The following NGEF variants were observed in gnomAD, a reference collection of about 807,000 sequenced individuals.
NGEF encodes ephexin-1.
A neutral mutation model predicts 80.9 loss-of-function variants in NGEF; 31 were observed. The observed-to-expected ratio is 0.38, with a 90% CI of 0.29 to 0.52. The LOEUF (loss-of-function observed/expected upper bound fraction) is 0.52, where lower values mean the gene tolerates loss of function less well. Among genes scored for constraint, NGEF ranks in the 20% least tolerant of loss-of-function variants. The probability of loss-of-function intolerance (pLI) is 0.84; values close to 1 mark genes in which losing one functional copy is unlikely to be tolerated. For missense variants in NGEF, 709 were observed against 926.2 expected, an observed-to-expected ratio of 0.77 and a Z score of 3.04; for synonymous variants, 371 against 370.2, an observed-to-expected ratio of 1.00 and a Z score of -0.03.
chr2:232,961,820 G>A (rs1174932730), intron 3 of NGEF, among the ~76,000 whole-genome samples: 1 of 152,194 alleles, frequency 6.6e-6, no homozygotes, highest in East Asian at 1.9e-4. Context: ...CCCAGTGGCT[G>A]TGTGGCCAGC....
intron 3 of NGEF, among the ~76,000 whole-genome samples, chr2:232,945,613 G>T (rs1173526855): frequency 6.6e-6 from 1 of 152,186 alleles, no homozygotes; most frequent in African/African-American, 2.4e-5. Context: ...GAGAGGCGGG[G>T]AGCAGCTTCT....
intron 3 of NGEF, among the ~76,000 whole-genome samples, chr2:232,966,857 G>A (rs187656725): frequency 1.5e-4 from 23 of 151,528 alleles, no homozygotes; most frequent in Non-Finnish European, 1.0e-4. Context: ...CAGTGAGGGT[G>A]GGGGGGGAGG....
In NGEF at chr2:232,936,165, T is replaced by C. The variant is rs934064495; in HGVS notation, c.384-8979A>G. Among the ~76,000 whole-genome samples, 4 of 152,174 alleles carry C rather than the reference T, an allele frequency of 2.6e-5. No homozygotes were observed. The South Asian group carries it at 8.3e-4, about 31-fold the overall frequency. On this transcript the variant is annotated intron_variant, in intron 3 of 14. Coordinates refer to ENST00000264051, the MANE Select transcript of NGEF (RefSeq NM_019850.3). Reference sequence around the variant, plus strand: ...AACCCATACTCTGTGGATGAAGAGATTTTGCCACAAGGAGACTTTCCAAAA... The same window carrying C: ...AACCCATACTCTGTGGATGAAGAGACTTTGCCACAAGGAGACTTTCCAAAA...
At chr2:233,004,713 C>T (rs1295944895) in intron 1 of NGEF, among the ~76,000 whole-genome samples, 1 of 152,122 alleles carries the variant, frequency 6.6e-6, no homozygotes, top group Admixed American at 6.5e-5. Flanking sequence ...CCCCTACCTT[C>T]CCTCCCCTTC....
chr2:232,996,236 G>A (rs762772462), intron 1 of NGEF, among the ~76,000 whole-genome samples: 4 of 152,110 alleles, frequency 2.6e-5, no homozygotes, highest in Non-Finnish European at 5.9e-5. Context: ...GCTGAGGCAC[G>A]AGAATCGCTT....
chr2:232,960,200 C>T (rs11886924), intron 3 of NGEF, among the ~76,000 whole-genome samples: 20,729 of 152,292 alleles, frequency 0.14, 3,805 homozygotes, highest in African/African-American at 0.42. Context: ...ATTTTGTATG[C>T]TAAATATCAA....
intron 1 of NGEF, among the ~76,000 whole-genome samples, chr2:232,976,874 G>A (rs1234847939): frequency 6.6e-6 from 1 of 152,180 alleles, no homozygotes; most frequent in Non-Finnish European, 1.5e-5. Context: ...CATGAAGTTG[G>A]AGTGTGCACT....
rs752719054 is a variant in NGEF, at chr2:232,879,476, C to T, written c.*13G>A. 2 of 1,599,280 alleles carry T rather than the reference C, an allele frequency of 1.3e-6. No homozygotes were observed. Reference sequence around the variant, plus strand: ...CATGCAGGCCCTGCTCCCGCTGGCCCCCTGGGTGGGGGTCATTGCCGATTC... The same window carrying T: ...CATGCAGGCCCTGCTCCCGCTGGCCTCCTGGGTGGGGGTCATTGCCGATTC... On this transcript the variant is annotated 3_prime_UTR_variant, in exon 15 of 15. Coordinates refer to ENST00000264051, the MANE Select transcript of NGEF (RefSeq NM_019850.3).
intron 5 of NGEF, among the ~76,000 whole-genome samples, chr2:232,897,327 C>T (rs1692131706): frequency 6.6e-6 from 1 of 151,956 alleles, no homozygotes; most frequent in Non-Finnish European, 1.5e-5. Context: ...TGGGGTTTTG[C>T]AGGCTGTTTC....
At chr2:232,880,643 A>G (rs1375415272) in intron 14 of NGEF, among the ~76,000 whole-genome samples, 1 of 152,214 alleles carries the variant, frequency 6.6e-6, no homozygotes, top group Non-Finnish European at 1.5e-5. Flanking sequence ...TCAATTCTAC[A>G]GGGGCTGGGA....
chr2:232,933,319 G>A (rs925997740), intron 3 of NGEF, among the ~76,000 whole-genome samples: 2 of 151,822 alleles, frequency 1.3e-5, no homozygotes, highest in South Asian at 2.1e-4. Context: ...TGCACCCACC[G>A]TCTCCCCCAG....
At chr2:232,976,781 C>G (rs1401345371) in intron 1 of NGEF, among the ~76,000 whole-genome samples, 3 of 152,204 alleles carry the variant, frequency 2.0e-5, no homozygotes, top group Non-Finnish European at 2.9e-5. Flanking sequence ...TCATGGGGAC[C>G]TGGGGAGTGC....
At chr2:232,955,697 G>T (rs1351282280) in intron 3 of NGEF, among the ~76,000 whole-genome samples, 17 of 151,970 alleles carry the variant, frequency 1.1e-4, no homozygotes, top group African/African-American at 3.9e-4. Context: ...TTTTGTACTT[G>T]TAGTAGAGAC....
intron 5 of NGEF, among the ~76,000 whole-genome samples, chr2:232,897,446 T>G (rs1429577906): frequency 6.6e-6 from 1 of 152,080 alleles, no homozygotes; most frequent in Non-Finnish European, 1.5e-5. Flanking sequence ...CATGGCTGGA[T>G]GCTGGAGGAG....
chr2:233,004,073 A>G (rs1265639308), intron 1 of NGEF, among the ~76,000 whole-genome samples: 1 of 152,070 alleles, frequency 6.6e-6, no homozygotes, highest in Non-Finnish European at 1.5e-5. Flanking sequence ...TTTCTGCAGC[A>G]AGCACCCCCT....
chr2:232,923,783 C>T (rs1321502758), intron 4 of NGEF, among the ~76,000 whole-genome samples: 16 of 152,192 alleles, frequency 1.1e-4, no homozygotes, highest in Non-Finnish European at 2.4e-4. Flanking sequence ...AGGCACAAGG[C>T]ATAGCCTGGC....
At chr2:232,968,460 CA>C (rs1694113815) in intron 3 of NGEF, among the ~76,000 whole-genome samples, 1 of 151,460 alleles carries the variant, frequency 6.6e-6, no homozygotes, top group African/African-American at 2.4e-5. Flanking sequence ...GGCTGGAGGG[CA>C]ATGGCATGAT....
intron 5 of NGEF, among the ~76,000 whole-genome samples, chr2:232,901,673 C>T (rs1483872475): frequency 6.6e-6 from 1 of 152,358 alleles, no homozygotes. Flanking sequence ...CCCATCCACC[C>T]GTGTGCCAGG....
intron 3 of NGEF, among the ~76,000 whole-genome samples, chr2:232,958,001 A>G (rs1693865219): frequency 6.6e-6 from 1 of 152,188 alleles, no homozygotes; most frequent in African/African-American, 2.4e-5. Context: ...AAAAATAGAA[A>G]CGGTTTCACA....
Sources: allele counts gnomAD v4.1 joint callset (sites outside exome capture counted in the v4.1 genomes callset), GRCh38; gene constraint gnomAD v4.1.1; transcripts MANE v1.5; gene names NCBI Gene and HGNC (gene_info 2026-07-23, HGNC 2026-07-21).